The following FBN3 variants were observed in gnomAD, a reference collection of about 807,000 sequenced individuals.
The protein encoded by FBN3 is fibrillin 3.
A neutral mutation model predicts 330.1 loss-of-function variants in FBN3; 234 were observed. That is an observed-to-expected ratio of 0.71 (90% confidence interval 0.64 to 0.79). The LOEUF is 0.79. Among genes scored for constraint, FBN3 ranks in the 30% least tolerant of loss-of-function variants. FBN3 has a pLI of 0.00. For synonymous variants in FBN3, 1,458 were observed against 1,517.3 expected (o/e 0.96, Z 0.91); for missense variants, 3,606 against 3,886.9 (o/e 0.93, Z 1.92).
intron 3 of FBN3, 137 bp downstream of exon 3, chr19:8,146,967 C>T (rs1041436808): frequency 1.7e-5 from 13 of 750,544 alleles, no homozygotes; most frequent in African/African-American, 5.2e-5. Context: ...TGAGGACAGA[C>T]GCAGATGCAA....
Position 8,125,874 on chromosome 19 carries a change from G to A in FBN3, c.2731+18C>T. 1 of 1,598,768 alleles carries A rather than the reference G, an allele frequency of 6.3e-7. No individual in the cohort carries two copies. Among genetic ancestry groups the A allele is most frequent in the Non-Finnish European group, 8.5e-7 (1 of 1,174,342 alleles). Reference sequence around the variant, plus strand: ...GGAAGAACGTGTGGCCCTGTATGCGGACCTCGCCTGGACTCACCCACGCAC... The same window carrying A: ...GGAAGAACGTGTGGCCCTGTATGCGAACCTCGCCTGGACTCACCCACGCAC... On this transcript the variant is annotated intron_variant, in intron 22 of 63. Coordinates refer to ENST00000600128, the MANE Select transcript of FBN3 (RefSeq NM_032447.5).
intron 59 of FBN3, among the ~76,000 whole-genome samples, chr19:8,080,007 A>G (rs976713975): frequency 6.6e-6 from 1 of 152,244 alleles, no homozygotes; most frequent in African/African-American, 2.4e-5. Flanking sequence ...CCCAGGGTCT[A>G]TAACAGGGCC....
rs557428976 is a variant in FBN3 at position 8,131,798 on chromosome 19, G to C, written c.1746C>G (p.Cys582Trp). The C allele has an allele frequency of 6.2e-7, 1 of 1,604,508 alleles. No homozygotes were observed. The highest frequency in any genetic ancestry group is 1.1e-5 in the South Asian group (1 of 90,494). ...CGGTGTTGGTACAGTGGCCGTTCACGCAGATGCCGGGCGTCTGGCACTCGT... is the reference window on the plus strand; with the variant it reads ...CGGTGTTGGTACAGTGGCCGTTCACCCAGATGCCGGGCGTCTGGCACTCGT... ...DIDECQTPGICVNGHCTNTEG... is the reference protein window; with the variant it reads ...DIDECQTPGIWVNGHCTNTEG... Residue 582 changes from cysteine to tryptophan, a missense_variant, in exon 15 of 64, where the codon TGC becomes TGG. By Grantham distance (215) the Cys-to-Trp change is radical. Transcript: ENST00000600128. This position sits in a 1 kb window ranked among gnomAD's most constrained non-coding sequence, Gnocchi z 4.5.
chr19:8,112,369 G>A (rs183014498), intron 30 of FBN3, among the ~76,000 whole-genome samples: 6 of 152,264 alleles, frequency 3.9e-5, no homozygotes, highest in Admixed American at 2.6e-4. Flanking sequence ...CTGTCCAGCC[G>A]GGTGCGGTGG....
Position 8,097,310 on chromosome 19 carries a change from T to C in FBN3, c.5266A>G (p.Ser1756Gly). ...GCACCTTCACAAGCCAGCAGGATGC[T>C]GTTGTAGTTGAAGCCTGCGGGGCAC... Reference protein sequence around the residue: ...CECPAGFNYNSILLACEDVDE... With the variant: ...CECPAGFNYNGILLACEDVDE... Residue 1756 changes from serine to glycine, a missense_variant, in exon 42 of 64, where the codon AGC (serine) becomes GGC (glycine). Ser to Gly is a moderately conservative substitution (Grantham distance 56). Transcript: ENST00000600128. 6.2e-7 allele frequency: 1 copy of C among 1,609,122 alleles called. No homozygotes were observed. The highest frequency in any genetic ancestry group is 1.7e-5 in the Admixed American group (1 of 59,724).
intron 8 of FBN3, among the ~76,000 whole-genome samples, chr19:8,139,627 G>A (rs938764608): frequency 6.6e-6 from 1 of 151,824 alleles, no homozygotes; most frequent in Non-Finnish European, 1.5e-5. Context: ...GGGGCCCCAA[G>A]GAGTCGAGGG....
At position 8,087,084 on chromosome 19, in the gene FBN3, G is replaced by T; in HGVS notation, c.6747C>A (p.Gly2249=). ...AGCTCCAGTGCCCCATACCTGTGCA[G>T]CCCTCCCCAGAGCCAGGCAGGGGCC... ...GMRPLPGSGE[G]CTDDNECHAQ... Residue 2249 remains glycine, a synonymous_variant, in exon 54 of 64, where the codon GGC becomes GGA. Transcript: ENST00000600128. The T allele has an allele frequency of 6.2e-7, 1 of 1,608,262 alleles. No homozygotes were observed.
chr19:8,070,710 A>C (rs2081492289), intron 63 of FBN3, among the ~76,000 whole-genome samples: 1 of 152,176 alleles, frequency 6.6e-6, no homozygotes. Flanking sequence ...CAGTTCCTCC[A>C]TCTGTAAAAT....
rs1555751329 is a variant in FBN3 at position 8,131,740 on chromosome 19, G to A, written c.1804C>T (p.Leu602=). The change falls in exon 15 of 64, where the codon CTG becomes TTG. Residue 602 remains leucine (L), a synonymous_variant. Transcript: ENST00000600128. The surrounding 1 kb of genome is among the most constrained non-coding windows in gnomAD (Gnocchi z 4.5). ...ACGCGGCCATCCGTGCCTACCGCCAGCCCCCCCAGGCACTGGCAGCGGAAG... is the reference window on the plus strand; with the variant it reads ...ACGCGGCCATCCGTGCCTACCGCCAACCCCCCCAGGCACTGGCAGCGGAAG... The part of the protein sequence containing the change: ...GSFRCQCLGG[L]AVGTDGRVCV... 1.2e-6 allele frequency: 2 copies of A among 1,613,424 alleles called. No individual in the cohort carries two copies. Among genetic ancestry groups the A allele is most frequent in the South Asian group, 1.1e-5 (1 of 91,012 alleles).
intron 37 of FBN3, 81 bp downstream of exon 37, chr19:8,108,089 T>A: frequency 7.8e-7 from 1 of 1,290,318 alleles, no homozygotes; most frequent in Admixed American, 1.9e-5. Context: ...ACTACTCAAC[T>A]CTACACTTTG....
intron 61 of FBN3, 46 bp from the exon 62 acceptor site, chr19:8,073,343 AG>A (rs745387507): frequency 9.2e-6 from 14 of 1,514,734 alleles, no homozygotes; most frequent in Non-Finnish European, 1.3e-5. Context: ...GAGGTGGGGC[AG>A]TGCAGCCTTC....
intron 16 of FBN3, among the ~76,000 whole-genome samples, chr19:8,130,636 G>GGA (rs1376693005): frequency 3.0e-4 from 1 of 3,314 alleles, no homozygotes; most frequent in African/African-American, 1.6e-3. Flanking sequence ...AAGAAAGAAA[G>GGA]AAAGAAAGGA....
Position 8,131,743 on chromosome 19 carries a change from C to G in FBN3, c.1801G>C (p.Gly601Arg). The G allele has an allele frequency of 1.9e-6, 3 of 1,613,658 alleles. No individual in the cohort carries two copies. The South Asian group carries it at 3.3e-5, about 18-fold the overall frequency. Residue 601 changes from glycine to arginine, a missense_variant, in exon 15 of 64, where the codon GGG becomes CGG. Physicochemically the swap from Gly to Arg is moderately radical, Grantham distance 125 (BLOSUM62 -2). Transcript: ENST00000600128. The surrounding 1 kb of genome is among the most constrained non-coding windows in gnomAD (Gnocchi z 4.5). ...EGSFRCQCLG[G>R]LAVGTDGRVC... ...CGGCCATCCGTGCCTACCGCCAGCCCCCCCAGGCACTGGCAGCGGAAGGAG... is the reference window on the plus strand; with the variant it reads ...CGGCCATCCGTGCCTACCGCCAGCCGCCCCAGGCACTGGCAGCGGAAGGAG...
At chr19:8,122,149 G>T (rs115670758) in intron 24 of FBN3, among the ~76,000 whole-genome samples, 9,303 of 152,096 alleles carry the variant, frequency 0.061, 909 homozygotes, top group African/African-American at 0.2. Flanking sequence ...TCAGCCTCTC[G>T]AATAGCTGGG....
Position 8,138,124 on chromosome 19 carries a change from C to A in FBN3, c.1201+17G>T, listed in dbSNP as rs1358778604. ...CCTTCAAGTCTTGGAATGTTCCTCC[C>A]AAGCCCCAGGCCTCACCAATATTAG... is the stretch of plus-strand genomic sequence containing the variant. On this transcript the variant is annotated intron_variant, in intron 10 of 63. Transcript: ENST00000600128. 2 of 1,587,440 alleles carry A rather than the reference C, an allele frequency of 1.3e-6. No homozygotes were observed. Among genetic ancestry groups the A allele is most frequent in the Non-Finnish European group, 1.7e-6 (2 of 1,169,458 alleles).
At chr19:8,110,705 G>T in intron 34 of FBN3, 140 bp downstream of exon 34, 1 of 1,134,126 alleles carries the variant, frequency 8.8e-7, no homozygotes, top group Admixed American at 2.1e-5. Context: ...GGGACATCAG[G>T]CAAGGCGCCC....
intron 7 of FBN3, 25 bp downstream of exon 7, chr19:8,141,915 A>G: frequency 6.2e-7 from 1 of 1,613,350 alleles, no homozygotes; most frequent in Non-Finnish European, 8.5e-7. Flanking sequence ...AAGGCCTCCC[A>G]CTCAGCCCTG....
rs35579498 is a variant in FBN3, at chr19:8,118,987, G to A, written c.3247C>T (p.Arg1083Trp). The change falls in exon 26 of 64, where the codon CGG (arginine) becomes TGG (tryptophan). Residue 1083 changes from arginine (R) to tryptophan (W), a missense_variant. Arg to Trp is a moderately radical substitution (Grantham distance 101, BLOSUM62 -3). Transcript: ENST00000600128. The stretch of plus-strand genomic sequence containing the variant: ...TCCGTGTTGGTGCAAGTGCCTCCCC[G>A]GCAGAGCAGCGGGTCCCTTGCACAC... ...DECARDPLLC[R>W]GGTCTNTDGS... 0.048 allele frequency: 77,886 copies of A among 1,609,962 alleles called. 3,311 individuals carry two copies. The highest frequency in any genetic ancestry group is 0.2 in the East Asian group (9,093 of 44,772).
intron 36 of FBN3, among the ~76,000 whole-genome samples, chr19:8,108,700 C>T (rs2082504878): frequency 2.6e-5 from 4 of 152,074 alleles, no homozygotes; most frequent in Admixed American, 1.3e-4. Context: ...CTGCATTGCA[C>T]ATCATTCCCC....
Sources: allele counts gnomAD v4.1 joint callset (sites outside exome capture counted in the v4.1 genomes callset), GRCh38; gene constraint gnomAD v4.1.1; non-coding constraint Gnocchi (gnomAD v3.1); transcripts MANE v1.5; gene names NCBI Gene and HGNC (gene_info 2026-07-23, HGNC 2026-07-21).